GSE1: variants seen among roughly 807,000 people sequenced by gnomAD.
The protein encoded by GSE1 is genetic suppressor element 1.
A neutral mutation model predicts 112.6 loss-of-function variants in GSE1; 32 were observed. That is an observed-to-expected ratio of 0.28 (90% CI 0.21 to 0.38). The LOEUF is 0.38. GSE1 is among the 10% of genes least tolerant of loss of function. GSE1 has a pLI of 1.00. For synonymous variants in GSE1, 1,115 were observed against 735.6 expected (o/e 1.52, Z -8.35); for missense variants, 2,348 against 1,699.2 (o/e 1.38, Z -6.71).
intron 2 of GSE1, among the ~76,000 whole-genome samples, chr16:85,494,942 CT>C (rs61411783): frequency 0.18 from 27,187 of 152,134 alleles, 2,594 homozygotes; most frequent in African/African-American, 0.25. Flanking sequence ...CTGCATCGGA[CT>C]CCTGCTGCTT....
intron 1 of GSE1, among the ~76,000 whole-genome samples, chr16:85,200,005 T>A (rs2074999427): frequency 6.6e-6 from 1 of 152,126 alleles, no homozygotes; most frequent in Non-Finnish European, 1.5e-5. Flanking sequence ...TTTGCCCTCT[T>A]CTCTTTTTGC....
At chr16:85,357,673 G>T in intron 2 of GSE1, 1 of 1,271,910 alleles carries the variant, frequency 7.9e-7, no homozygotes, top group Non-Finnish European at 1.0e-6. Context: ...GTATCTCTGG[G>T]TACTGGGCTG....
intron 1 of GSE1, among the ~76,000 whole-genome samples, chr16:85,194,559 C>T (rs1347719645): frequency 6.6e-6 from 1 of 152,114 alleles, no homozygotes; most frequent in Non-Finnish European, 1.5e-5. Flanking sequence ...GACCGTGGAC[C>T]CTTAGCAGGG....
At chr16:85,314,410 C>A (rs547559642) in intron 1 of GSE1, among the ~76,000 whole-genome samples, 11 of 152,164 alleles carry the variant, frequency 7.2e-5, no homozygotes, top group South Asian at 2.1e-4. Flanking sequence ...TGTCCCAGCC[C>A]AGCATCTGTG....
rs146567087 is a variant in GSE1, at chr16:85,419,334, C to T, written c.2464+61691C>T. ...AGGGTTTGAGAATATACCAGATGGC[C>T]GGGCGTGGTGGCTCGTGCCTATAAT... On this transcript the variant is annotated intron_variant, in intron 2 of 2. Coordinates refer to the GSE1 transcript ENST00000637419. This position sits in a 1 kb window ranked among gnomAD's most constrained non-coding sequence, Gnocchi z 6.5. Among the ~76,000 whole-genome samples, 1,143 of 152,202 alleles carry T rather than the reference C, an allele frequency of 7.5e-3. 4 individuals are homozygous for T. Among genetic ancestry groups the T allele is most frequent in the Non-Finnish European group, 0.011 (722 of 67,998 alleles).
chr16:85,428,483 C>A (rs8049860), intron 2 of GSE1, among the ~76,000 whole-genome samples: 2,756 of 151,964 alleles, frequency 0.018, 87 homozygotes, highest in African/African-American at 0.063. Flanking sequence ...GGGCGATAAT[C>A]GCCCCTGCCT....
chr16:85,596,120 A>C (rs370509127), intron 1 of GSE1, among the ~76,000 whole-genome samples: 1 of 151,254 alleles, frequency 6.6e-6, no homozygotes, highest in African/African-American at 2.4e-5. Flanking sequence ...TGGTCCCTAC[A>C]TTTGGTCTAA....
At chr16:85,255,784 G>A (rs952365873) in intron 1 of GSE1, among the ~76,000 whole-genome samples, 3 of 151,880 alleles carry the variant, frequency 2.0e-5, no homozygotes, top group Non-Finnish European at 2.9e-5. Flanking sequence ...CACCTCCTGC[G>A]CTCAAGCCAT....
rs541694259 is a variant in GSE1, at chr16:85,391,340, A to G, written c.2464+33697A>G. Among the ~76,000 whole-genome samples, 36 of 152,360 alleles carry G rather than the reference A, an allele frequency of 2.4e-4. 1 individual carries two copies. In the South Asian group the frequency reaches 7.2e-3, roughly 31 times the overall value. ...TAAACTGAGGCACAGAGTGGTAGTGACTTGTGATATCTGTCCCCTGCGGCT... is the reference window on the plus strand; with the variant it reads ...TAAACTGAGGCACAGAGTGGTAGTGGCTTGTGATATCTGTCCCCTGCGGCT... On this transcript the variant is annotated intron_variant, in intron 2 of 2. Coordinates refer to the GSE1 transcript ENST00000637419.
chr16:85,171,342 C>T, exon 1 of GSE1: 3 of 985,594 alleles, frequency 3.0e-6, no homozygotes, highest in Non-Finnish European at 3.6e-6. Flanking sequence ...GGAAGGAGTT[C>T]CAGCTCAACG....
intron 1 of GSE1, among the ~76,000 whole-genome samples, chr16:85,349,718 T>C (rs1352870317): frequency 6.6e-6 from 1 of 152,190 alleles, no homozygotes; most frequent in Non-Finnish European, 1.5e-5. Flanking sequence ...CCGTGTTCTT[T>C]TGTGTTGTCA....
intron 2 of GSE1, among the ~76,000 whole-genome samples, chr16:85,486,038 C>T (rs1039311161): frequency 2.6e-5 from 4 of 152,154 alleles, no homozygotes; most frequent in Non-Finnish European, 5.9e-5. Flanking sequence ...CAGATGGGGA[C>T]GTAACGGCAG....
chr16:85,553,133 C>G (rs4843631), upstream of GSE1, among the ~76,000 whole-genome samples: 3 of 151,204 alleles, frequency 2.0e-5, no homozygotes, highest in Non-Finnish European at 4.4e-5. Context: ...GCGCTCTGGC[C>G]GCCCCCCGCC....
At chr16:85,354,605 A>C (rs991372440) in intron 1 of GSE1, among the ~76,000 whole-genome samples, 2 of 152,206 alleles carry the variant, frequency 1.3e-5, no homozygotes, top group Non-Finnish European at 2.9e-5. Flanking sequence ...CAGCTCCAGG[A>C]GGGACCAGGA....
intron 1 of GSE1, among the ~76,000 whole-genome samples, chr16:85,324,959 T>G (rs2046194900): frequency 6.6e-6 from 1 of 152,160 alleles, no homozygotes; most frequent in Non-Finnish European, 1.5e-5. Context: ...ATATCCCAAT[T>G]CATTTTTATT....
At chr16:85,661,100 T>G (rs1328164759) in intron 8 of GSE1, 46 bp from the exon 9 acceptor site, 1 of 1,519,112 alleles carries the variant, frequency 6.6e-7, no homozygotes. Context: ...TGTGGATGAC[T>G]GAAGGGTCTT....
chr16:85,205,816 G>T (rs1232769546), intron 1 of GSE1, among the ~76,000 whole-genome samples: 1 of 152,234 alleles, frequency 6.6e-6, no homozygotes, highest in Non-Finnish European at 1.5e-5. Context: ...CTGAGCCCTG[G>T]ATGACCTTTC....
chr16:85,337,286 C>CT (rs200001672), intron 1 of GSE1, among the ~76,000 whole-genome samples: 3 of 142,684 alleles, frequency 2.1e-5, no homozygotes, highest in South Asian at 2.3e-4. Context: ...GGGCTCAGGA[C>CT]TTTTTTTTTT....
chr16:85,217,341 G>A (rs963156209), intron 1 of GSE1, among the ~76,000 whole-genome samples: 7 of 152,214 alleles, frequency 4.6e-5, no homozygotes, highest in Admixed American at 6.5e-5. Context: ...TGTGTTTGGG[G>A]TTGGGAGCGA....
Sources: gnomAD v4.1 joint callset for allele counts (sites outside exome capture counted in the v4.1 genomes callset) on GRCh38, gnomAD v4.1.1 for gene constraint, Gnocchi (gnomAD v3.1) non-coding constraint, MANE v1.5 for transcripts, NCBI Gene and HGNC (gene_info 2026-07-23, HGNC 2026-07-21) for gene names.